Variants in COL26A1 observed in about 807,000 individuals in gnomAD.
The protein encoded by COL26A1 is collagen alpha-1(XXVI) chain.
COL26A1 carries 41 observed loss-of-function variants against 59.3 expected under a neutral mutation model. That is an observed-to-expected ratio of 0.69 (90% CI 0.54 to 0.90). COL26A1 has a LOEUF of 0.90. Ranked by LOEUF, COL26A1 falls within the 40% of genes least tolerant of loss-of-function variation. The pLI, the probability that COL26A1 is intolerant of heterozygous loss-of-function variation, is 0.00. For missense variants in COL26A1, 612 were observed against 602.3 expected (o/e 1.02, Z -0.17); for synonymous variants, 266 against 256.0 (o/e 1.04, Z -0.37).
chr7:101,493,036 T>A (rs1214129020), intron 3 of COL26A1, among the ~76,000 whole-genome samples: 21 of 152,152 alleles, frequency 1.4e-4, no homozygotes. Context: ...CATTGTCAGA[T>A]TTAGTCCTCA....
chr7:101,431,453 T>A (rs906639780), intron 2 of COL26A1, among the ~76,000 whole-genome samples: 1 of 151,978 alleles, frequency 6.6e-6, no homozygotes, highest in African/African-American at 2.4e-5. Flanking sequence ...AGGGATGGGG[T>A]TTCACCATGT....
Position 101,374,520 on chromosome 7 carries a change from C to A in COL26A1, c.158+11330C>A, listed in dbSNP as rs1181288209. Among the ~76,000 whole-genome samples the A allele has an allele frequency of 2.6e-5, 4 of 152,198 alleles. No individual in the cohort carries two copies. In the East Asian group the frequency reaches 7.7e-4, roughly 29 times the overall value. On this transcript the variant is annotated intron_variant, in intron 1 of 12. Transcript: ENST00000313669. ...TTACTGCCTTAGCTCTGCCTCCTGT[C>A]AGACCAGCAGCGGCAGTAGATTTTC...
intron 1 of COL26A1, among the ~76,000 whole-genome samples, chr7:101,397,506 C>CCTTCTCCTTCT (rs1554405174): frequency 8.5e-4 from 90 of 105,404 alleles, no homozygotes; most frequent in African/African-American, 4.7e-3. Flanking sequence ...CCTTCTCCTT[C>CCTTCTCCTTCT]CCTTCCCTTC....
chr7:101,473,029 A>G (rs529615764), intron 3 of COL26A1, among the ~76,000 whole-genome samples: 1 of 150,066 alleles, frequency 6.7e-6, no homozygotes, highest in East Asian at 2.0e-4. Flanking sequence ...TCAATTGCCT[A>G]TATGTTTATC....
chr7:101,537,611 G>T lies in COL26A1; in HGVS notation c.448-2282G>T, dbSNP rs143209020. Among the ~76,000 whole-genome samples the T allele has an allele frequency of 1.6e-3, 239 of 152,328 alleles. 1 individual carries two copies. Among genetic ancestry groups the T allele is most frequent in the Non-Finnish European group, 2.6e-3 (175 of 68,024 alleles). On this transcript the variant is annotated intron_variant, in intron 4 of 12. Transcript: ENST00000313669. ...AGGGCTCCTCTGCCCAGGTCTGCAG[G>T]CTCTGTGGGCAGGGGTGTCCCAGTG...
rs568730413 is a variant in COL26A1 at position 101,542,381 on chromosome 7, G to A, written c.605-1617G>A. ...GCCTCCAAAGTGTGGAATTACAGGT[G>A]TGAGCTAGCGCACCCAGCCTACAGA... is the stretch of plus-strand genomic sequence containing the variant. On this transcript the variant is annotated intron_variant, in intron 5 of 12. Coordinates refer to ENST00000313669, the MANE Select transcript of COL26A1 (RefSeq NM_001278563.3). 3.7e-4 allele frequency among the ~76,000 whole-genome samples: 56 copies of A among 152,320 alleles called. 1 individual carries two copies. Among genetic ancestry groups the A allele is most frequent in the African/African-American group, 1.3e-3 (53 of 41,556 alleles).
At position 101,364,362 on chromosome 7, in the gene COL26A1, C is replaced by T. The variant is rs551808655; in HGVS notation, c.158+1172C>T. Among the ~76,000 whole-genome samples, 11 of 151,396 alleles carry T rather than the reference C, an allele frequency of 7.3e-5. No individual in the cohort carries two copies. The East Asian group carries it at 1.7e-3, about 24-fold the overall frequency. On this transcript the variant is annotated intron_variant, in intron 1 of 12. Transcript: ENST00000313669. Reference sequence around the variant, plus strand: ...TTTTAATTTTTTTTTTTTGCAGAGGCAGAATCTCAACTCTGTTGCCCAGGC... The same window carrying T: ...TTTTAATTTTTTTTTTTTGCAGAGGTAGAATCTCAACTCTGTTGCCCAGGC...
chr7:101,496,538 C>T (rs1203247014), intron 3 of COL26A1, among the ~76,000 whole-genome samples: 1 of 152,126 alleles, frequency 6.6e-6, no homozygotes, highest in African/African-American at 2.4e-5. Context: ...GTGTTCTACG[C>T]TCATCCTCTT....
intron 3 of COL26A1, among the ~76,000 whole-genome samples, chr7:101,465,036 T>A (rs1358719472): frequency 2.7e-5 from 2 of 74,080 alleles, no homozygotes; most frequent in African/African-American, 4.4e-5. Flanking sequence ...CTTTCTTTCT[T>A]TTTTTTTTTT....
At chr7:101,523,132 C>T (rs911176048) in intron 3 of COL26A1, among the ~76,000 whole-genome samples, 4 of 151,430 alleles carry the variant, frequency 2.6e-5, no homozygotes, top group East Asian at 1.9e-4. Context: ...TGCAATGGCA[C>T]GATCTCGGCT....
chr7:101,527,793 A>G (rs772713884), intron 3 of COL26A1, among the ~76,000 whole-genome samples: 10 of 150,216 alleles, frequency 6.7e-5, no homozygotes, highest in Non-Finnish European at 1.0e-4. Flanking sequence ...CAGGTGCTCC[A>G]GGGCCAGTGT....
intron 1 of COL26A1, among the ~76,000 whole-genome samples, chr7:101,385,302 G>GGT (rs1197195471): frequency 4.2e-5 from 6 of 143,396 alleles, no homozygotes; most frequent in Admixed American, 2.8e-4. Flanking sequence ...GTGTATATAC[G>GGT]GTGTGTGTGT....
intron 2 of COL26A1, among the ~76,000 whole-genome samples, chr7:101,439,339 G>GA (rs1369217141): frequency 0.029 from 4 of 136 alleles, no homozygotes; most frequent in Non-Finnish European, 0.061. Flanking sequence ...AAGAGAGAGA[G>GA]ACAAGAAAGA....
intron 1 of COL26A1, among the ~76,000 whole-genome samples, chr7:101,385,231 C>CTATATA (rs1195666668): frequency 6.9e-5 from 4 of 58,046 alleles, no homozygotes; most frequent in Admixed American, 2.1e-4. Flanking sequence ...CACACACACA[C>CTATATA]TATATATATA....
chr7:101,556,085 A>G (rs1489347976), intron 12 of COL26A1, among the ~76,000 whole-genome samples: 1 of 151,982 alleles, frequency 6.6e-6, no homozygotes, highest in African/African-American at 2.4e-5. Flanking sequence ...CCTCCCTAGT[A>G]TAGCCATGGT....
At chr7:101,544,455 G>C (rs984939462) in intron 6 of COL26A1, among the ~76,000 whole-genome samples, 3 of 151,116 alleles carry the variant, frequency 2.0e-5, no homozygotes, top group African/African-American at 7.3e-5. Context: ...TCGAACTCCT[G>C]ACCTCAGATG....
At chr7:101,386,267 T>TG (rs200557754) in intron 1 of COL26A1, among the ~76,000 whole-genome samples, 13 of 138,286 alleles carry the variant, frequency 9.4e-5, no homozygotes, top group East Asian at 4.4e-4. Context: ...GTTTTTTTTT[T>TG]TTTTTTTTTT....
At chr7:101,363,939 G>T (rs1217256171) in intron 1 of COL26A1, among the ~76,000 whole-genome samples, 1 of 152,110 alleles carries the variant, frequency 6.6e-6, no homozygotes, top group Non-Finnish European at 1.5e-5. Context: ...GGTCATTCCC[G>T]CCCAGTCTTT....
intron 12 of COL26A1, among the ~76,000 whole-genome samples, chr7:101,556,533 G>T (rs1487714576): frequency 1.3e-5 from 2 of 152,138 alleles, no homozygotes; most frequent in Admixed American, 1.3e-4. Context: ...GTGGATAGGT[G>T]GATGAGTGAG....
Sources: allele counts gnomAD v4.1 joint callset (sites outside exome capture counted in the v4.1 genomes callset), GRCh38; gene constraint gnomAD v4.1.1; transcripts MANE v1.5; gene names NCBI Gene and HGNC (gene_info 2026-07-23, HGNC 2026-07-21).